Variants in IL1RAPL1 observed in about 807,000 individuals in gnomAD.
IL1RAPL1 encodes the protein interleukin-1 receptor accessory protein-like 1.
IL1RAPL1 carries 3 observed loss-of-function variants against 48.4 expected under a neutral mutation model. The observed-to-expected ratio is 0.06, with a 90% CI of 0.03 to 0.16. The LOEUF (loss-of-function observed/expected upper bound fraction) is 0.16. Ranked by LOEUF, IL1RAPL1 falls within the 10% of genes least tolerant of loss-of-function variation. The pLI is 1.00. For synonymous variants in IL1RAPL1, 185 were observed against 187.7 expected, an observed-to-expected ratio of 0.99 and a Z score of 0.12; for missense variants, 349 against 530.6, an observed-to-expected ratio of 0.66 and a Z score of 3.36.
intron 6 of IL1RAPL1, among the ~76,000 whole-genome samples, chrX:29,841,097 A>G (rs960256866): frequency 1.7e-4 from 19 of 111,912 alleles, no homozygotes; most frequent in Admixed American, 4.8e-4. Flanking sequence ...AACTCCAGTC[A>G]TGGTCTCTAT....
chrX:29,841,242 ATGTT>A (rs1254949656), intron 6 of IL1RAPL1, among the ~76,000 whole-genome samples: 6 of 112,182 alleles, frequency 5.3e-5, no homozygotes, highest in Admixed American at 1.9e-4. Context: ...GGAAAATAAA[ATGTT>A]AGTTACAAAA....
chrX:29,418,389 G>C lies in IL1RAPL1; in HGVS notation c.703+19081G>C, dbSNP rs1242816148. On this transcript the variant is annotated intron_variant, in intron 5 of 10. Transcript: ENST00000378993. Reference sequence around the variant, plus strand: ...GATCTGCCCACCTCAGCCTCCCAAAGTGCTGGGATTACAGGCGTGAGCCAC... The same window carrying C: ...GATCTGCCCACCTCAGCCTCCCAAACTGCTGGGATTACAGGCGTGAGCCAC... 2.8e-5 allele frequency among the ~76,000 whole-genome samples: 3 copies of C among 108,687 alleles called. No homozygotes were observed. The East Asian group carries it at 8.6e-4, about 31-fold the overall frequency. 94.4% of individuals were successfully genotyped at this position (108,687 alleles called of 115,157 possible). A position where few individuals can be genotyped will look rare whatever the true frequency, so the allele number is the denominator to read the frequency against.
At chrX:29,345,566 A>G (rs1463452913) in intron 3 of IL1RAPL1, among the ~76,000 whole-genome samples, 1 of 111,582 alleles carries the variant, frequency 9.0e-6, no homozygotes, top group Non-Finnish European at 1.9e-5. Flanking sequence ...CAGATATAGT[A>G]TCTTATTTAT....
chrX:28,849,350 C>T (rs1921597565), intron 2 of IL1RAPL1, among the ~76,000 whole-genome samples: 1 of 111,443 alleles, frequency 9.0e-6, no homozygotes, highest in Non-Finnish European at 1.9e-5. Context: ...CTGGATTACA[C>T]GAGAAGCTGC....
At chrX:28,756,029 C>G (rs776288516) in intron 1 of IL1RAPL1, among the ~76,000 whole-genome samples, 100 of 111,738 alleles carry the variant, frequency 8.9e-4, no homozygotes, top group African/African-American at 3.2e-3. Flanking sequence ...TTTTTATACA[C>G]CCTGCTTCAG....
At chrX:29,444,586 C>G (rs1215548336) in intron 5 of IL1RAPL1, among the ~76,000 whole-genome samples, 1 of 110,648 alleles carries the variant, frequency 9.0e-6, no homozygotes, top group African/African-American at 3.3e-5. Context: ...TAGAACATAA[C>G]TATTTAGGAC....
intron 2 of IL1RAPL1, among the ~76,000 whole-genome samples, chrX:28,859,809 ATTAT>A (rs1921896664): frequency 1.8e-5 from 2 of 109,075 alleles, no homozygotes; most frequent in East Asian, 2.8e-4. Flanking sequence ...TTGTATATCA[ATTAT>A]TTATTGATAT....
At chrX:28,743,299 C>G (rs1358906963) in intron 1 of IL1RAPL1, among the ~76,000 whole-genome samples, 1 of 111,527 alleles carries the variant, frequency 9.0e-6, no homozygotes, top group Non-Finnish European at 1.9e-5. Context: ...ACAATCATAT[C>G]CTTATCACTT....
chrX:29,204,587 C>T (rs749633144), intron 2 of IL1RAPL1, among the ~76,000 whole-genome samples: 79 of 111,674 alleles, frequency 7.1e-4, no homozygotes, highest in Middle Eastern at 9.3e-3. Flanking sequence ...TGTTCCTATA[C>T]GCTCTTTGTC....
chrX:28,664,317 G>T (rs190315664), intron 1 of IL1RAPL1, among the ~76,000 whole-genome samples: 133 of 112,176 alleles, frequency 1.2e-3, no homozygotes, highest in African/African-American at 4.0e-3. Context: ...TGAAGGAAAA[G>T]ACTTTCAATT....
chrX:29,565,418 A>G (rs2147795229), intron 5 of IL1RAPL1, among the ~76,000 whole-genome samples: 1 of 111,625 alleles, frequency 9.0e-6, no homozygotes, highest in East Asian at 2.8e-4. Context: ...TATGTATAAA[A>G]CAAAAGATCA....
chrX:28,934,507 A>G (rs1923966659), intron 2 of IL1RAPL1, among the ~76,000 whole-genome samples: 1 of 111,301 alleles, frequency 9.0e-6, no homozygotes, highest in African/African-American at 3.3e-5. Context: ...AAATGAAACA[A>G]TGTACCCATT....
intron 1 of IL1RAPL1, among the ~76,000 whole-genome samples, chrX:28,749,411 G>C (rs1936013532): frequency 9.0e-6 from 1 of 111,637 alleles, no homozygotes; most frequent in South Asian, 3.7e-4. Flanking sequence ...TTCTCCAAAT[G>C]CTCACCAACA....
At chrX:29,158,663 C>T (rs1194227231) in intron 2 of IL1RAPL1, among the ~76,000 whole-genome samples, 3 of 111,425 alleles carry the variant, frequency 2.7e-5, no homozygotes, top group African/African-American at 9.8e-5. Flanking sequence ...AGGCGTGAGC[C>T]ACCACTGCAC....
chrX:29,272,617 A>G (rs1414226258), intron 2 of IL1RAPL1, among the ~76,000 whole-genome samples: 1 of 111,113 alleles, frequency 9.0e-6, no homozygotes, highest in Non-Finnish European at 1.9e-5. Context: ...GGAGAATCTG[A>G]TAACTATGTG....
intron 3 of IL1RAPL1, among the ~76,000 whole-genome samples, chrX:29,319,554 G>GTATCTATC (rs529502758): frequency 0.33 from 27,000 of 83,068 alleles, 5,259 homozygotes; most frequent in Non-Finnish European, 0.46. Flanking sequence ...ATGTATGTAT[G>GTATCTATC]TATGTATCTA....
chrX:29,137,258 T>TCACACACACACA (rs113222106), intron 2 of IL1RAPL1, among the ~76,000 whole-genome samples: 5 of 100,336 alleles, frequency 5.0e-5, no homozygotes, highest in South Asian at 4.9e-4. Flanking sequence ...ACACTTGCGC[T>TCACACACACACA]CACACACACA....
At chrX:29,378,924 A>T (rs1933658362) in intron 3 of IL1RAPL1, among the ~76,000 whole-genome samples, 1 of 111,206 alleles carries the variant, frequency 9.0e-6, no homozygotes. Flanking sequence ...GAGATAGACT[A>T]CTCCCTTTCT....
At chrX:29,628,686 AAATT>A (rs1343139299) in intron 5 of IL1RAPL1, among the ~76,000 whole-genome samples, 2 of 111,930 alleles carry the variant, frequency 1.8e-5, no homozygotes, top group Admixed American at 1.9e-4. Context: ...ACTTCACTTC[AAATT>A]AATTTTCTTT....
Sources: gnomAD v4.1 joint callset for allele counts (sites outside exome capture counted in the v4.1 genomes callset) on GRCh38, gnomAD v4.1.1 for gene constraint, MANE v1.5 for transcripts, NCBI Gene and HGNC (gene_info 2026-07-23, HGNC 2026-07-21) for gene names.